The following MPHOSPH10 variants were observed in gnomAD, a reference collection of about 807,000 sequenced individuals.
MPHOSPH10 encodes U3 small nucleolar ribonucleoprotein MPP10.
Under a neutral mutation model 77.3 loss-of-function variants are expected in MPHOSPH10, and 33 were observed. The ratio of observed to expected loss-of-function variants is 0.43; its 90% CI spans 0.32 to 0.57. MPHOSPH10 has a LOEUF of 0.57. Ranked by LOEUF, MPHOSPH10 falls within the 20% of genes least tolerant of loss-of-function variation. The pLI is 0.07. For synonymous variants in MPHOSPH10, 245 were observed against 268.0 expected, an observed-to-expected ratio of 0.91 and a Z score of 0.84; for missense variants, 708 against 780.1, an observed-to-expected ratio of 0.91 and a Z score of 1.10.
intron 9 of MPHOSPH10, 78 bp downstream of exon 9, chr2:71,148,184 A>G: frequency 7.9e-7 from 1 of 1,263,590 alleles, no homozygotes; most frequent in Non-Finnish European, 1.2e-6. Context: ...ATTTGACGTC[A>G]TTTGCCTTGC....
chr2:71,143,689 A>G (rs571739969), intron 7 of MPHOSPH10, among the ~76,000 whole-genome samples: 1 of 152,268 alleles, frequency 6.6e-6, no homozygotes, highest in South Asian at 2.1e-4. Context: ...TATTTTGAGT[A>G]TTTGATATAA....
At chr2:71,132,865 T>TA (rs1213219442) in intron 1 of MPHOSPH10, 33 bp from the exon 2 acceptor site, 2 of 1,538,066 alleles carry the variant, frequency 1.3e-6, no homozygotes, top group East Asian at 2.3e-5. Context: ...TTATTACCTG[T>TA]AATTCTAAAT....
rs1673796293 is a variant in MPHOSPH10, at chr2:71,150,101, C to T, written c.*86C>T. ...TTATAATAAAATTCTTGAGAACCTT[C>T]CTTTGCATCGATGACAGATATTTGA... On this transcript the variant is annotated 3_prime_UTR_variant, in exon 11 of 11. Transcript: ENST00000244230. 1.3e-6 allele frequency: 1 copy of T among 798,180 alleles called. No individual in the cohort carries two copies. The highest frequency in any genetic ancestry group is 1.8e-6 in the Non-Finnish European group (1 of 550,440). The allele number at this position is 798,180 out of a possible 1,614,324, so 49.4% of individuals were successfully genotyped here. A position where few individuals can be genotyped will look rare whatever the true frequency, so the allele number is the denominator to read the frequency against.
Position 71,138,504 on chromosome 2 carries a change from T to A in MPHOSPH10, c.1113T>A (p.Ile371=). The A allele has an allele frequency of 6.3e-7, 1 of 1,582,272 alleles. No homozygotes were observed. The highest frequency in any genetic ancestry group is 8.6e-7 in the Non-Finnish European group (1 of 1,165,758). ...CTCTTTCTTAGATGAATGAAAAAAT[T>A]GCATCTTTAGAAAAAGAGTTGTTAG... ...EKRQEKMNEK[I]ASLEKELLEK... The change falls in exon 5 of 11, where the codon ATT becomes ATA. Residue 371 remains isoleucine (I), a synonymous_variant. Transcript: ENST00000244230.
intron 7 of MPHOSPH10, among the ~76,000 whole-genome samples, chr2:71,142,205 G>A (rs1015961251): frequency 7.2e-5 from 11 of 152,044 alleles, no homozygotes; most frequent in South Asian, 2.1e-4. Context: ...AGCCATTTAC[G>A]ATTCCCACCA....
chr2:71,134,749 G>A lies in MPHOSPH10; in HGVS notation c.1050G>A (p.Lys350=). 6.2e-7 allele frequency: 1 copy of A among 1,605,810 alleles called. No homozygotes were observed. The highest frequency in any genetic ancestry group is 8.5e-7 in the Non-Finnish European group (1 of 1,176,374). The change falls in exon 4 of 11, where the codon AAG becomes AAA. Residue 350 remains lysine (K), a synonymous_variant. Transcript: ENST00000244230. The part of the protein sequence containing the change: ...ETEDTGVLNV[K]KNSDEVKSSF... ...AAGATACAGGTGTTTTAAATGTAAA[G>A]AAAAATTCTGATGAAGTTAAATCCT...
intron 6 of MPHOSPH10, among the ~76,000 whole-genome samples, chr2:71,140,135 G>T (rs1431469340): frequency 6.6e-6 from 1 of 152,184 alleles, no homozygotes; most frequent in African/African-American, 2.4e-5. Flanking sequence ...GAAGCTGGTG[G>T]CTGACCTGTG....
intron 1 of MPHOSPH10, among the ~76,000 whole-genome samples, chr2:71,131,744 CAGA>C (rs987210618): frequency 6.6e-6 from 1 of 152,138 alleles, no homozygotes; most frequent in Admixed American, 6.5e-5. Flanking sequence ...ACTTATTGTC[CAGA>C]AGAAGAATGT....
intron 7 of MPHOSPH10, among the ~76,000 whole-genome samples, chr2:71,143,330 A>G (rs982444677): frequency 3.3e-5 from 5 of 151,918 alleles, no homozygotes; most frequent in African/African-American, 1.2e-4. Context: ...ACAGGGTTTC[A>G]TTATGTTAGC....
At chr2:71,131,492 A>G (rs999316929) in intron 1 of MPHOSPH10, among the ~76,000 whole-genome samples, 9 of 152,162 alleles carry the variant, frequency 5.9e-5, no homozygotes, top group African/African-American at 1.2e-4. Flanking sequence ...TCCTTTTCCC[A>G]TGCTACACCT....
At position 71,141,248 on chromosome 2, in the gene MPHOSPH10, T is replaced by A. The variant is rs1368880352; in HGVS notation, c.1325T>A (p.Val442Glu). The stretch of plus-strand genomic sequence containing the variant: ...ATGTTTCAGGCTTGGGATGATGTAG[T>A]ACGTAAAGAAAAACCTAAAGAGGAT... ...RIRDQAWDDV[V>E]RKEKPKEDAY... Residue 442 changes from valine (V) to glutamate (E), a missense_variant, in exon 7 of 11, where the codon GTA becomes GAA. Transcript: ENST00000244230. The A allele has an allele frequency of 6.6e-7, 1 of 1,524,022 alleles. No homozygotes were observed. The highest frequency in any genetic ancestry group is 8.8e-7 in the Non-Finnish European group (1 of 1,136,658). 94.4% of individuals were successfully genotyped at this position (1,524,022 alleles called of 1,614,324 possible).
intron 6 of MPHOSPH10, 92 bp from the exon 7 acceptor site, chr2:71,141,140 T>C (rs1673602686): frequency 2.6e-5 from 16 of 612,610 alleles, no homozygotes; most frequent in Non-Finnish European, 3.3e-5. Context: ...TTGATAATAT[T>C]TATTATAATA....
intron 6 of MPHOSPH10, among the ~76,000 whole-genome samples, chr2:71,140,851 A>T (rs569590582): frequency 1.3e-5 from 2 of 152,296 alleles, no homozygotes; most frequent in South Asian, 4.1e-4. Flanking sequence ...AACATGATAA[A>T]CTAACTCAAG....
At chr2:71,144,650 T>A in intron 8 of MPHOSPH10, 112 bp downstream of exon 8, 1 of 805,536 alleles carries the variant, frequency 1.2e-6, no homozygotes, top group Non-Finnish European at 2.0e-6. Context: ...TGTAGTTTGC[T>A]GTAAATTCCA....
chr2:71,145,294 T>C (rs537725040), intron 8 of MPHOSPH10, among the ~76,000 whole-genome samples: 1 of 152,334 alleles, frequency 6.6e-6, no homozygotes, highest in Non-Finnish European at 1.5e-5. Flanking sequence ...TGGAATGTCA[T>C]GAATTAAAGA....
At chr2:71,149,808 G>T in intron 10 of MPHOSPH10, 58 bp from the exon 11 acceptor site, 1 of 1,442,512 alleles carries the variant, frequency 6.9e-7, no homozygotes, top group African/African-American at 1.4e-5. Flanking sequence ...ACTATTTTTG[G>T]CTTTTTTCAC....
At position 71,147,939 on chromosome 2, in the gene MPHOSPH10, C is replaced by G; in HGVS notation, c.1558-60C>G. 3 of 1,278,210 alleles carry G rather than the reference C, an allele frequency of 2.3e-6. No homozygotes were observed. The Admixed American group carries it at 5.1e-5, about 22-fold the overall frequency. The allele number at this position is 1,278,210 out of a possible 1,614,324, so 79.2% of individuals were successfully genotyped here. ...ACTTTAAGTTAATAGGTTCACAGTT[C>G]ACACATTTTGTGTTAGAGTCCCTTC... On this transcript the variant is annotated intron_variant, in intron 8 of 10. Transcript: ENST00000244230.
chr2:71,144,434 ACAG>A lies in MPHOSPH10; in HGVS notation c.1457_1459del (p.Ala486del), dbSNP rs765399986. ...GTTGAACTTATTTCCTAAGCAAAAAACAGCAGAAGAAGAAAATCCAGAACATGT... is the reference window on the plus strand; with the variant it reads ...GTTGAACTTATTTCCTAAGCAAAAAACAGAAGAAGAAAATCCAGAACATGT... On this transcript the variant is annotated inframe_deletion, in exon 8 of 11. Coordinates refer to ENST00000244230, the MANE Select transcript of MPHOSPH10 (RefSeq NM_005791.3). The A allele has an allele frequency of 1.9e-6, 3 of 1,613,606 alleles. No homozygotes were observed. Among genetic ancestry groups the A allele is most frequent in the Admixed American group, 1.7e-5 (1 of 59,942 alleles).
rs1009708049 is a variant in MPHOSPH10 at position 71,147,979 on chromosome 2, A to G, written c.1558-20A>G. On this transcript the variant is annotated intron_variant, in intron 8 of 10. Coordinates refer to ENST00000244230, the MANE Select transcript of MPHOSPH10 (RefSeq NM_005791.3). The stretch of plus-strand genomic sequence containing the variant: ...AGAGTCCCTTCTGGCTTCCCATTGA[A>G]TGTATTATCTCTTTTCTAGCCTGTA... 8.8e-6 allele frequency: 14 copies of G among 1,594,800 alleles called. No individual in the cohort carries two copies. The highest frequency in any genetic ancestry group is 5.0e-5 in the Admixed American group (3 of 59,942).
Sources: gnomAD v4.1 joint callset for allele counts (sites outside exome capture counted in the v4.1 genomes callset) on GRCh38, gnomAD v4.1.1 for gene constraint, MANE v1.5 for transcripts, NCBI Gene and HGNC (gene_info 2026-07-23, HGNC 2026-07-21) for gene names.